MTREX: variants seen among roughly 807,000 people sequenced by gnomAD.
The protein encoded by MTREX is exosome RNA helicase MTR4.
MTREX carries 76 observed loss-of-function variants against 135.4 expected under a neutral mutation model. That is an observed-to-expected ratio of 0.56 (90% CI 0.47 to 0.68). MTREX has a LOEUF of 0.68. MTREX is among the 30% of genes least tolerant of loss of function. MTREX has a pLI of 0.00. For missense variants in MTREX, 920 were observed against 1,262.1 expected (o/e 0.73, Z 4.11); for synonymous variants, 404 against 401.6 (o/e 1.01, Z -0.07).
At chr5:55,308,954 G>T (rs552286689) in intron 1 of MTREX, among the ~76,000 whole-genome samples, 2 of 152,224 alleles carry the variant, frequency 1.3e-5, no homozygotes, top group East Asian at 3.9e-4. Flanking sequence ...AGGAATTTTC[G>T]GTGTAGGGAA....
rs767091765 is a variant in MTREX, at chr5:55,347,187, G to T, written c.1240+43G>T. ...TATCATTTTAATGTTATGTGAAAAT[G>T]AGCGTAAAATATATTTCTAGTAATA... On this transcript the variant is annotated intron_variant, in intron 11 of 26. Coordinates refer to ENST00000230640, the MANE Select transcript of MTREX (RefSeq NM_015360.5). 23 of 1,532,496 alleles carry T rather than the reference G, an allele frequency of 1.5e-5. No individual in the cohort carries two copies. The African/African-American group carries it at 1.7e-4, about 11-fold the overall frequency. 94.9% of individuals were successfully genotyped at this position (1,532,496 alleles called of 1,614,324 possible).
chr5:55,390,284 C>T (rs1579888387), intron 19 of MTREX, among the ~76,000 whole-genome samples: 2 of 151,940 alleles, frequency 1.3e-5, no homozygotes, highest in African/African-American at 4.8e-5. Context: ...TGTATTTTTA[C>T]TAGAGACTGG....
chr5:55,316,391 A>G (rs559717075), intron 1 of MTREX, among the ~76,000 whole-genome samples: 1 of 152,328 alleles, frequency 6.6e-6, no homozygotes, highest in East Asian at 1.9e-4. Flanking sequence ...TCAGCAGAAT[A>G]CTTGCAAACC....
chr5:55,415,821 C>G (rs1011985792), intron 24 of MTREX, 149 bp from the exon 25 acceptor site: 1 of 518,942 alleles, frequency 1.9e-6, no homozygotes, highest in Non-Finnish European at 3.4e-6. Context: ...GGAACAGGCA[C>G]TGTGCCTACT....
chr5:55,402,103 G>T (rs1316088454), intron 21 of MTREX, among the ~76,000 whole-genome samples: 6 of 152,176 alleles, frequency 3.9e-5, no homozygotes, highest in Non-Finnish European at 8.8e-5. Flanking sequence ...AATGTGTTCA[G>T]TTCATAGTTT....
rs1439572938 is a variant in MTREX at position 55,378,482 on chromosome 5, T to C, written c.1979T>C (p.Val660Ala). ...CCTTTTCTACAACCAGGTCGTTTGGTAAAGGTATGTCATTGTTTCTTCATA... is the reference window on the plus strand; with the variant it reads ...CCTTTTCTACAACCAGGTCGTTTGGCAAAGGTATGTCATTGTTTCTTCATA... ...CLPFLQPGRL[V>A]KVKNEGDDFG... is the part of the protein sequence containing the mutation. Residue 660 changes from valine (V) to alanine (A), a missense_variant, in exon 17 of 27, where the codon GTA (valine) becomes GCA (alanine). Val to Ala is a moderately conservative substitution (Grantham distance 64). This residue lies in a region of MTREX where 467 missense variants were observed against 589.7 expected (regional missense o/e 0.79). Coordinates refer to ENST00000230640, the MANE Select transcript of MTREX (RefSeq NM_015360.5). 3 of 1,606,758 alleles carry C rather than the reference T, an allele frequency of 1.9e-6. No homozygotes were observed. Among genetic ancestry groups the C allele is most frequent in the Non-Finnish European group, 2.5e-6 (3 of 1,177,934 alleles).
At chr5:55,343,637 T>C (rs1043362229) in intron 8 of MTREX, among the ~76,000 whole-genome samples, 182 bp downstream of exon 8, 3 of 152,194 alleles carry the variant, frequency 2.0e-5, no homozygotes, top group Non-Finnish European at 4.4e-5. Flanking sequence ...TTAGAAATGT[T>C]GATTTCTGAG....
chr5:55,331,731 C>T (rs1749478424), intron 5 of MTREX, among the ~76,000 whole-genome samples: 1 of 152,188 alleles, frequency 6.6e-6, no homozygotes, highest in Non-Finnish European at 1.5e-5. Flanking sequence ...CGATCTTGGT[C>T]TGTTCAACTT....
chr5:55,402,446 T>C (rs538923934), intron 21 of MTREX, among the ~76,000 whole-genome samples: 3 of 152,330 alleles, frequency 2.0e-5, no homozygotes, highest in African/African-American at 7.2e-5. Context: ...TTGAGCGTGA[T>C]TGAATGATTG....
chr5:55,377,998 C>CAAA (rs56851771), intron 16 of MTREX, among the ~76,000 whole-genome samples: 1 of 134,952 alleles, frequency 7.4e-6, no homozygotes, highest in Non-Finnish European at 1.6e-5. Context: ...CGGAAAGGTG[C>CAAA]AAAAAAAAAA....
chr5:55,385,453 G>A (rs988363727), intron 18 of MTREX, among the ~76,000 whole-genome samples: 1 of 152,106 alleles, frequency 6.6e-6, no homozygotes, highest in African/African-American at 2.4e-5. Flanking sequence ...GAGAAATGTT[G>A]ACATCCTGCC....
chr5:55,347,882 A>G (rs1402849550), intron 11 of MTREX, among the ~76,000 whole-genome samples: 1 of 152,190 alleles, frequency 6.6e-6, no homozygotes, highest in Non-Finnish European at 1.5e-5. Flanking sequence ...CTTGGGTGGC[A>G]GCAGGCAAAG....
At chr5:55,310,241 C>G (rs1399030362) in intron 1 of MTREX, among the ~76,000 whole-genome samples, 1 of 152,110 alleles carries the variant, frequency 6.6e-6, no homozygotes, top group African/African-American at 2.4e-5. Context: ...AATAAGAAAA[C>G]ACAGGAGAAC....
chr5:55,340,623 G>A (rs566341934), intron 6 of MTREX, among the ~76,000 whole-genome samples: 2 of 151,928 alleles, frequency 1.3e-5, no homozygotes, highest in South Asian at 2.1e-4. Context: ...GTTCTGTCTC[G>A]CAGGCTGGAG....
chr5:55,366,715 T>TC lies in MTREX; in HGVS notation c.1660-9dup, dbSNP rs760698708. On this transcript the variant is annotated splice_polypyrimidine_tract_variant and intron_variant, in intron 15 of 26. Coordinates refer to ENST00000230640, the MANE Select transcript of MTREX (RefSeq NM_015360.5). ...AAAACTACAAAATTGACATTTTTTT[T>TC]CTCTCTTAGGGCTCCGCTGATCCTC... 1 of 1,520,228 alleles carries TC rather than the reference T, an allele frequency of 6.6e-7. No individual in the cohort carries two copies. Among genetic ancestry groups the TC allele is most frequent in the South Asian group, 1.4e-5 (1 of 73,910 alleles). The allele number at this position is 1,520,228 out of a possible 1,614,324, so 94.2% of individuals were successfully genotyped here.
intron 4 of MTREX, 122 bp downstream of exon 4, chr5:55,327,900 C>T (rs1037910355): frequency 1.7e-4 from 109 of 648,152 alleles, no homozygotes; most frequent in Non-Finnish European, 8.2e-5. Context: ...CAAGAACAAG[C>T]CAACTAAAGA....
rs1579863017 is a variant in MTREX, at chr5:55,349,661, T to C, written c.1320+9T>C. 2 of 1,420,540 alleles carry C rather than the reference T, an allele frequency of 1.4e-6. No individual in the cohort carries two copies. Among genetic ancestry groups the C allele is most frequent in the East Asian group, 4.6e-5 (2 of 43,898 alleles). 88.0% of individuals were successfully genotyped at this position (1,420,540 alleles called of 1,614,324 possible). A position where few individuals can be genotyped will look rare whatever the true frequency, so the allele number is the denominator to read the frequency against. On this transcript the variant is annotated intron_variant, in intron 12 of 26. Coordinates refer to ENST00000230640, the MANE Select transcript of MTREX (RefSeq NM_015360.5). Reference sequence around the variant, plus strand: ...ATAAAAAACTCCCTCAGGTGAGTTTTCAGTATCAGTAGATAAAAGTGTAGA... The same window carrying C: ...ATAAAAAACTCCCTCAGGTGAGTTTCCAGTATCAGTAGATAAAAGTGTAGA...
At chr5:55,356,890 T>C in intron 14 of MTREX, 1 of 169,368 alleles carries the variant, frequency 5.9e-6, no homozygotes. Flanking sequence ...TGGATGGTGG[T>C]AGAGCAGATT....
chr5:55,317,219 G>A (rs188065585), intron 1 of MTREX, among the ~76,000 whole-genome samples: 130 of 152,306 alleles, frequency 8.5e-4, no homozygotes, highest in Non-Finnish European at 1.6e-3. Context: ...AGTGCCCAAA[G>A]CAATGTACAG....
Sources: allele counts gnomAD v4.1 joint callset (sites outside exome capture counted in the v4.1 genomes callset), GRCh38; gene constraint gnomAD v4.1.1; regional missense constraint gnomAD v4.1.1; transcripts MANE v1.5; gene names NCBI Gene and HGNC (gene_info 2026-07-23, HGNC 2026-07-21).